Variants in MYRFL observed in about 807,000 individuals in gnomAD.
The protein encoded by MYRFL is myelin regulatory factor like.
A neutral mutation model predicts 109.4 loss-of-function variants in MYRFL; 88 were observed. The observed-to-expected ratio is 0.80, with a 90% CI of 0.68 to 0.96. The LOEUF (loss-of-function observed/expected upper bound fraction) is 0.96. Ranked by LOEUF, MYRFL falls within the 40% of genes least tolerant of loss-of-function variation. MYRFL has a pLI of 0.00. For missense variants in MYRFL, 957 were observed against 954.9 expected (o/e 1.00, Z -0.03); for synonymous variants, 324 against 320.9 (o/e 1.01, Z -0.10).
chr12:69,941,821 A>G (rs1955655105), intron 19 of MYRFL, among the ~76,000 whole-genome samples: 1 of 151,966 alleles, frequency 6.6e-6, no homozygotes, highest in South Asian at 2.1e-4. Context: ...CAGAAGAATC[A>G]AATAGATGCA....
intron 2 of MYRFL, among the ~76,000 whole-genome samples, chr12:69,862,685 T>C (rs1466243340): frequency 5.9e-5 from 9 of 152,028 alleles, no homozygotes; most frequent in Admixed American, 1.3e-4. Flanking sequence ...TACAATCATG[T>C]CATCTGCAAA....
rs545074165 is a variant in MYRFL at position 69,910,889 on chromosome 12, G to A, written c.1561G>A (p.Gly521Arg). 713 of 1,535,196 alleles carry A rather than the reference G, an allele frequency of 4.6e-4. 7 individuals carry two copies. The South Asian group carries it at 6.6e-3, about 14-fold the overall frequency. The change falls in exon 13 of 25, where the codon GGA becomes AGA. Residue 521 changes from glycine to arginine, a missense_variant. Coordinates refer to ENST00000552032, the MANE Select transcript of MYRFL (RefSeq NM_182530.3). ...AVREVGDVTC[G>R]NGETLENFLM... Reference sequence around the variant, plus strand: ...AAGAGAGGTTGGTGATGTCACCTGCGGAAACGGAGAGACCTTGGAGAACTT... The same window carrying A: ...AAGAGAGGTTGGTGATGTCACCTGCAGAAACGGAGAGACCTTGGAGAACTT...
At chr12:69,922,298 C>T (rs1412088282) in intron 13 of MYRFL, among the ~76,000 whole-genome samples, 1 of 152,100 alleles carries the variant, frequency 6.6e-6, no homozygotes, top group Non-Finnish European at 1.5e-5. Flanking sequence ...GATTTAGAAT[C>T]ATAAAATGCT....
At chr12:69,921,559 T>C (rs1389131006) in intron 13 of MYRFL, among the ~76,000 whole-genome samples, 1 of 152,226 alleles carries the variant, frequency 6.6e-6, no homozygotes, top group Non-Finnish European at 1.5e-5. Context: ...ACTCCAAATA[T>C]TTCAGTAAGA....
At chr12:69,826,588 C>A (rs913383208) in intron 1 of MYRFL, among the ~76,000 whole-genome samples, 1 of 152,044 alleles carries the variant, frequency 6.6e-6, no homozygotes, top group Non-Finnish European at 1.5e-5. Context: ...GCTTTTATTT[C>A]TATGGGATCC....
At chr12:69,952,028 C>G in intron 19 of MYRFL, 85 bp from the exon 20 acceptor site, 1 of 1,137,832 alleles carries the variant, frequency 8.8e-7, no homozygotes, top group South Asian at 1.4e-5. Flanking sequence ...ACACTCAACT[C>G]ACAGAGATGA....
intron 7 of MYRFL, among the ~76,000 whole-genome samples, chr12:69,891,739 C>T (rs1412088221): frequency 7.5e-6 from 1 of 132,950 alleles, no homozygotes; most frequent in African/African-American, 2.7e-5. Flanking sequence ...TGCTCTGTCA[C>T]CCAGGCTGGA....
rs781013909 is a variant in MYRFL at position 69,838,726 on chromosome 12, T to A, written c.46+13163T>A. On this transcript the variant is annotated intron_variant, in intron 1 of 24. Transcript: ENST00000552032. ...GAAGAAGGCTTAGCTGTAAAGTTTC[T>A]CAAACTGCTGGAAAAATTGATTCCC... Among the ~76,000 whole-genome samples the A allele has an allele frequency of 1.0e-3, 152 of 152,348 alleles. 1 individual carries two copies. The highest frequency in any genetic ancestry group is 1.7e-3 in the Non-Finnish European group (118 of 68,026).
chr12:69,917,274 C>T (rs577806501), intron 13 of MYRFL, among the ~76,000 whole-genome samples: 3 of 152,164 alleles, frequency 2.0e-5, no homozygotes, highest in African/African-American at 7.2e-5. Flanking sequence ...CTGCTGCAGA[C>T]CCTATCCACC....
intron 11 of MYRFL, among the ~76,000 whole-genome samples, chr12:69,908,735 C>T (rs1954459430): frequency 6.6e-6 from 1 of 152,194 alleles, no homozygotes; most frequent in Admixed American, 6.5e-5. Flanking sequence ...GTCTAGACCA[C>T]AAACTTTTAA....
At chr12:69,929,650 T>C (rs1271665446) in intron 15 of MYRFL, among the ~76,000 whole-genome samples, 3 of 152,320 alleles carry the variant, frequency 2.0e-5, no homozygotes, top group South Asian at 2.1e-4. Flanking sequence ...CTAAGTTGTA[T>C]AGTTTCCCTT....
At chr12:69,834,733 A>G (rs1882835435) in intron 1 of MYRFL, among the ~76,000 whole-genome samples, 1 of 152,196 alleles carries the variant, frequency 6.6e-6, no homozygotes, top group Non-Finnish European at 1.5e-5. Context: ...AGTTATTAAA[A>G]GTTTTACATG....
At chr12:69,836,785 C>A (rs1458070772) in intron 1 of MYRFL, among the ~76,000 whole-genome samples, 1 of 152,160 alleles carries the variant, frequency 6.6e-6, no homozygotes, top group South Asian at 2.1e-4. Flanking sequence ...ATAACCTTTA[C>A]TGGTGGTGAG....
At chr12:69,831,488 G>A (rs1216685933) in intron 1 of MYRFL, among the ~76,000 whole-genome samples, 2 of 152,152 alleles carry the variant, frequency 1.3e-5, no homozygotes, top group Non-Finnish European at 2.9e-5. Flanking sequence ...TGGGTTCTGA[G>A]TTAGTCATCC....
At chr12:69,831,256 A>G (rs1436673844) in intron 1 of MYRFL, among the ~76,000 whole-genome samples, 1 of 152,158 alleles carries the variant, frequency 6.6e-6, no homozygotes, top group African/African-American at 2.4e-5. Context: ...ATAAACTTTT[A>G]CTGTAACATA....
chr12:69,946,017 A>G (rs1176831866), intron 19 of MYRFL, among the ~76,000 whole-genome samples: 1 of 138,826 alleles, frequency 7.2e-6, no homozygotes, highest in Non-Finnish European at 1.6e-5. Context: ...AAAAAAAATT[A>G]TAGAAACTTA....
chr12:69,935,883 C>G lies in MYRFL; in HGVS notation c.1917-230C>G, dbSNP rs1004110730. ...GGCTGCTCTATGTGGAAAAATCCAT[C>G]AGCATGGAATACCTAGGAGCCTCTG... On this transcript the variant is annotated intron_variant, in intron 16 of 24. Coordinates refer to ENST00000552032, the MANE Select transcript of MYRFL (RefSeq NM_182530.3). The G allele has an allele frequency of 9.5e-6, 5 of 525,304 alleles. No individual in the cohort carries two copies. In the African/African-American group the frequency reaches 9.8e-5, roughly 10 times the overall value. The allele number at this position is 525,304 out of a possible 1,614,324, so 32.5% of individuals were successfully genotyped here. A position where few individuals can be genotyped will look rare whatever the true frequency, so the allele number is the denominator to read the frequency against.
In MYRFL at chr12:69,895,448, T is replaced by C; in HGVS notation, c.1058T>C (p.Met353Thr). 2.0e-6 allele frequency: 3 copies of C among 1,535,392 alleles called. No individual in the cohort carries two copies. Among genetic ancestry groups the C allele is most frequent in the Non-Finnish European group, 2.6e-6 (3 of 1,146,562 alleles). Reference protein sequence around the residue: ...LHFSETTANNMRKKGKPNPDQ... With the variant: ...LHFSETTANNTRKKGKPNPDQ... The stretch of plus-strand genomic sequence containing the variant: ...TTCAGCGAAACCACAGCAAATAATA[T>C]GAGAAAAAAGGGAAAACCAAATCCA... The change falls in exon 9 of 25, where the codon ATG (methionine) becomes ACG (threonine). Residue 353 changes from methionine to threonine, a missense_variant. Met to Thr is a moderately conservative substitution (Grantham distance 81, BLOSUM62 -1). Coordinates refer to ENST00000552032, the MANE Select transcript of MYRFL (RefSeq NM_182530.3).
chr12:69,908,971 G>T (rs1365636587), intron 11 of MYRFL, among the ~76,000 whole-genome samples: 1 of 151,964 alleles, frequency 6.6e-6, no homozygotes, highest in Non-Finnish European at 1.5e-5. Flanking sequence ...GTGTCCAGGT[G>T]TTCTCATCAT....
Sources: gnomAD v4.1 joint callset for allele counts (sites outside exome capture counted in the v4.1 genomes callset) on GRCh38, gnomAD v4.1.1 for gene constraint, MANE v1.5 for transcripts, NCBI Gene and HGNC (gene_info 2026-07-23, HGNC 2026-07-21) for gene names.